Variants in VGLL3 observed in about 807,000 individuals in gnomAD.
VGLL3 encodes transcription cofactor vestigial-like protein 3.
Under a neutral mutation model 29.2 loss-of-function variants are expected in VGLL3, and 18 were observed. The ratio of observed to expected loss-of-function variants is 0.62; its 90% CI spans 0.43 to 0.91. The LOEUF (loss-of-function observed/expected upper bound fraction) is 0.91. VGLL3 is among the 40% of genes least tolerant of loss of function. VGLL3 has a pLI of 0.00. For synonymous variants in VGLL3, 180 were observed against 151.8 expected, an observed-to-expected ratio of 1.19 and a Z score of -1.36; for missense variants, 440 against 413.2, an observed-to-expected ratio of 1.06 and a Z score of -0.56.
At chr3:86,982,213 T>A (rs1224044049) in intron 1 of VGLL3, among the ~76,000 whole-genome samples, 2 of 152,136 alleles carry the variant, frequency 1.3e-5, no homozygotes, top group Non-Finnish European at 2.9e-5. Context: ...GGTGTGATCT[T>A]GGCTCACTGC....
chr3:86,978,728 ATCC>A lies in VGLL3; in HGVS notation c.198_200del (p.Glu66del), dbSNP rs1705264056. 1.2e-6 allele frequency: 2 copies of A among 1,612,452 alleles called. No individual in the cohort carries two copies. The highest frequency in any genetic ancestry group is 1.3e-5 in the African/African-American group (1 of 74,742). On this transcript the variant is annotated inframe_deletion, in exon 2 of 4. Transcript: ENST00000398399. ...CTTTCTCCTCCTCCTCCTCCTCCTC[ATCC>A]TCCTCCTCTTGTTTGCTGGGAAGGG...
chr3:86,984,409 C>G (rs114580187), intron 1 of VGLL3, among the ~76,000 whole-genome samples: 4,600 of 152,146 alleles, frequency 0.03, 94 homozygotes, highest in Non-Finnish European at 0.046. Context: ...TTGACATTAT[C>G]AAAAAATCAA....
At chr3:86,955,579 C>T (rs766180979) in intron 3 of VGLL3, among the ~76,000 whole-genome samples, 1 of 151,880 alleles carries the variant, frequency 6.6e-6, no homozygotes, top group Non-Finnish European at 1.5e-5. Flanking sequence ...TTAGTACAGA[C>T]GGAGTTTCAC....
At chr3:86,977,677 G>A (rs998075949) in intron 2 of VGLL3, among the ~76,000 whole-genome samples, 10 of 152,122 alleles carry the variant, frequency 6.6e-5, no homozygotes, top group Non-Finnish European at 1.2e-4. Context: ...CCAAGAATTC[G>A]CACTTCTAAC....
rs1009519259 is a variant in VGLL3 at position 86,942,198 on chromosome 3, G to T, written c.*4826C>A. 6.6e-6 allele frequency: 1 copy of T among 152,080 alleles called. No homozygotes were observed. Among genetic ancestry groups the T allele is most frequent in the Admixed American group, 6.6e-5 (1 of 15,256 alleles). 9.4% of individuals were successfully genotyped at this position (152,080 alleles called of 1,614,324 possible). On this transcript the variant is annotated 3_prime_UTR_variant, in exon 4 of 4. Transcript: ENST00000398399. ...AAAGAAAAAAAATGAGTTTCTAGGAGCCTCTCCATTAAACTGGCAGGCTGA... is the reference window on the plus strand; with the variant it reads ...AAAGAAAAAAAATGAGTTTCTAGGATCCTCTCCATTAAACTGGCAGGCTGA...
At position 86,961,849 on chromosome 3, in the gene VGLL3, A is replaced by G. The variant is rs111901554; in HGVS notation, c.937+6741T>C. 1.8e-4 allele frequency: 142 copies of G among 810,562 alleles called. No homozygotes were observed. In the African/African-American group the frequency reaches 2.4e-3, roughly 14 times the overall value. 50.2% of individuals were successfully genotyped at this position (810,562 alleles called of 1,614,324 possible). ...AAAGCTAAATGAGAAGTTAATAAGT[A>G]CACCCTCAAAAAATGTGTTCATCAG... On this transcript the variant is annotated intron_variant, in intron 3 of 3. Transcript: ENST00000398399.
intron 3 of VGLL3, among the ~76,000 whole-genome samples, chr3:86,957,676 G>A (rs1704750775): frequency 6.6e-6 from 1 of 151,994 alleles, no homozygotes; most frequent in Admixed American, 6.5e-5. Context: ...ACATATATCT[G>A]GACAGAATTT....
At position 86,944,202 on chromosome 3, in the gene VGLL3, C is replaced by T. The variant is rs1043458343; in HGVS notation, c.*2822G>A. On this transcript the variant is annotated 3_prime_UTR_variant, in exon 4 of 4. Coordinates refer to ENST00000398399, the MANE Select transcript of VGLL3 (RefSeq NM_016206.4). The stretch of plus-strand genomic sequence containing the variant: ...TCTTTCTATGTATATTTTTGATCCA[C>T]TCCCTGGGTGGCAGTGTACCCCAAA... 6.6e-6 allele frequency: 1 copy of T among 152,210 alleles called. No individual in the cohort carries two copies. The highest frequency in any genetic ancestry group is 1.9e-4 in the East Asian group (1 of 5,196). The allele number at this position is 152,210 out of a possible 1,614,324, so 9.4% of individuals were successfully genotyped here.
At position 86,940,616 on chromosome 3, in the gene VGLL3, T is replaced by A. The variant is rs745746997; in HGVS notation, c.*6408A>T. The A allele has an allele frequency of 6.4e-4, 97 of 152,628 alleles. No individual in the cohort carries two copies. Among genetic ancestry groups the A allele is most frequent in the Admixed American group, 1.5e-3 (23 of 15,280 alleles). The allele number at this position is 152,628 out of a possible 1,614,324, so 9.5% of individuals were successfully genotyped here. ...AAATGCAGACCAAATCCAAATGCTA[T>A]GTTAAAATACAAACATTCAATTCAC... is the stretch of plus-strand genomic sequence containing the variant. On this transcript the variant is annotated 3_prime_UTR_variant, in exon 4 of 4. Coordinates refer to ENST00000398399, the MANE Select transcript of VGLL3 (RefSeq NM_016206.4).
intron 3 of VGLL3, chr3:86,962,538 A>G: frequency 1.0e-6 from 1 of 983,678 alleles, no homozygotes; most frequent in Non-Finnish European, 1.2e-6. Context: ...AACAATTTAA[A>G]TACTAAAAAA....
intron 1 of VGLL3, among the ~76,000 whole-genome samples, chr3:86,982,310 A>G (rs563486313): frequency 3.3e-5 from 5 of 151,808 alleles, no homozygotes; most frequent in Admixed American, 3.3e-4. Context: ...ATGCCCAGCT[A>G]ATTTTTTGTA....
At chr3:86,953,631 G>A (rs1297623209) in intron 3 of VGLL3, among the ~76,000 whole-genome samples, 1 of 152,102 alleles carries the variant, frequency 6.6e-6, no homozygotes, top group Non-Finnish European at 1.5e-5. Flanking sequence ...TAGATTAAAA[G>A]TATCTAGTTG....
At chr3:86,990,485 C>T in intron 1 of VGLL3, 133 bp downstream of exon 1, 2 of 1,258,944 alleles carry the variant, frequency 1.6e-6, no homozygotes, top group Non-Finnish European at 2.0e-6. Flanking sequence ...TGGCTTTCTG[C>T]TCAAGGACGC....
intron 2 of VGLL3, among the ~76,000 whole-genome samples, chr3:86,970,516 CACACATATG>C (rs1705075831): frequency 6.9e-6 from 1 of 145,550 alleles, no homozygotes; most frequent in Non-Finnish European, 1.5e-5. Context: ...CACACACACA[CACACATATG>C]ACAGCAGCAG....
intron 3 of VGLL3, among the ~76,000 whole-genome samples, chr3:86,948,062 CTAAA>C (rs1334501584): frequency 1.3e-5 from 2 of 151,642 alleles, no homozygotes; most frequent in Admixed American, 6.6e-5. Flanking sequence ...AAATGATTAC[CTAAA>C]TAAAGTTAGT....
Position 86,943,156 on chromosome 3 carries a change from C to T in VGLL3, c.*3868G>A, listed in dbSNP as rs1280151060. 6.6e-6 allele frequency: 1 copy of T among 152,182 alleles called. No individual in the cohort carries two copies. The highest frequency in any genetic ancestry group is 2.4e-5 in the African/African-American group (1 of 41,456). 9.4% of individuals were successfully genotyped at this position (152,182 alleles called of 1,614,324 possible). ...AACTAGAATTTAGAGAATGGCCTAACAGCCGAGTTCTTTTCCATTAATTCA... is the reference window on the plus strand; with the variant it reads ...AACTAGAATTTAGAGAATGGCCTAATAGCCGAGTTCTTTTCCATTAATTCA... On this transcript the variant is annotated 3_prime_UTR_variant, in exon 4 of 4. Transcript: ENST00000398399.
At chr3:86,947,803 C>CA (rs1360458570) in intron 3 of VGLL3, among the ~76,000 whole-genome samples, 2 of 151,924 alleles carry the variant, frequency 1.3e-5, no homozygotes, top group Non-Finnish European at 2.9e-5. Flanking sequence ...AATTCAAACT[C>CA]AAAGCTAAAA....
At chr3:86,986,281 C>T (rs1444337868) in intron 1 of VGLL3, among the ~76,000 whole-genome samples, 2 of 152,108 alleles carry the variant, frequency 1.3e-5, no homozygotes, top group Admixed American at 6.6e-5. Flanking sequence ...TCCACAGTGT[C>T]ACCTTGTCCT....
chr3:86,946,991 A>G lies in VGLL3; in HGVS notation c.*33T>C. On this transcript the variant is annotated 3_prime_UTR_variant, in exon 4 of 4. Coordinates refer to ENST00000398399, the MANE Select transcript of VGLL3 (RefSeq NM_016206.4). Reference sequence around the variant, plus strand: ...CTTTTCCCAGTGGGCCCTTGGATTTATGCTGCAACTTAACTCACTAAGATT... The same window carrying G: ...CTTTTCCCAGTGGGCCCTTGGATTTGTGCTGCAACTTAACTCACTAAGATT... The G allele has an allele frequency of 3.9e-6, 3 of 778,354 alleles. No homozygotes were observed. The highest frequency in any genetic ancestry group is 7.2e-6 in the Non-Finnish European group (3 of 416,802). The allele number at this position is 778,354 out of a possible 1,614,324, so 48.2% of individuals were successfully genotyped here. A position where few individuals can be genotyped will look rare whatever the true frequency, so the allele number is the denominator to read the frequency against.
Sources: gnomAD v4.1 joint callset for allele counts (sites outside exome capture counted in the v4.1 genomes callset) on GRCh38, gnomAD v4.1.1 for gene constraint, MANE v1.5 for transcripts, NCBI Gene and HGNC (gene_info 2026-07-23, HGNC 2026-07-21) for gene names.